Variants in DSCAM observed in about 807,000 individuals in gnomAD.
DSCAM encodes cell adhesion molecule DSCAM.
Under a neutral mutation model 217.7 loss-of-function variants are expected in DSCAM, and 47 were observed. The observed-to-expected ratio is 0.22, with a 90% confidence interval of 0.17 to 0.28. DSCAM has a LOEUF of 0.28. Among genes scored for constraint, DSCAM ranks in the 10% least tolerant of loss-of-function variants. DSCAM has a pLI of 1.00. For missense variants in DSCAM, 2,080 were observed against 2,618.3 expected (o/e 0.79, Z 4.49); for synonymous variants, 1,056 against 1,015.3 (o/e 1.04, Z -0.76).
At chr21:40,050,487 CTT>C (rs34197777) in intron 30 of DSCAM, among the ~76,000 whole-genome samples, 1 of 146,768 alleles carries the variant, frequency 6.8e-6, no homozygotes. Flanking sequence ...GCCCTTGAAT[CTT>C]TTTTTTTTTT....
intron 4 of DSCAM, among the ~76,000 whole-genome samples, chr21:40,353,968 C>G (rs2074663171): frequency 6.6e-6 from 1 of 152,176 alleles, no homozygotes. Context: ...TTCTGTTGGT[C>G]ATTCCTCAGT....
At chr21:40,301,555 A>G (rs2074014204) in intron 9 of DSCAM, among the ~76,000 whole-genome samples, 1 of 115,504 alleles carries the variant, frequency 8.7e-6, no homozygotes, top group Non-Finnish European at 1.6e-5. Flanking sequence ...GATGCTGTGG[A>G]TAAGATTAAG....
At chr21:40,449,248 T>C (rs945012692) in intron 3 of DSCAM, among the ~76,000 whole-genome samples, 1 of 152,188 alleles carries the variant, frequency 6.6e-6, no homozygotes, top group Non-Finnish European at 1.5e-5. Context: ...AGCTGCACCC[T>C]TACTTCCCTT....
intron 4 of DSCAM, among the ~76,000 whole-genome samples, chr21:40,365,994 A>C (rs2074828510): frequency 6.6e-6 from 1 of 151,798 alleles, no homozygotes; most frequent in African/African-American, 2.4e-5. Flanking sequence ...CTTTTGGTCT[A>C]TTTTCTATTT....
intron 3 of DSCAM, among the ~76,000 whole-genome samples, chr21:40,409,469 C>G (rs536276425): frequency 1.2e-4 from 18 of 152,262 alleles, no homozygotes; most frequent in Admixed American, 3.3e-4. Flanking sequence ...ACAGTTTCAA[C>G]GCTGAAGAGG....
At chr21:40,778,026 C>A (rs941231195) in intron 1 of DSCAM, among the ~76,000 whole-genome samples, 5 of 152,064 alleles carry the variant, frequency 3.3e-5, no homozygotes, top group Non-Finnish European at 5.9e-5. Flanking sequence ...ATAGTCAGTA[C>A]AGAATTGTGT....
At chr21:40,386,542 C>G (rs530285585) in intron 3 of DSCAM, among the ~76,000 whole-genome samples, 4 of 152,210 alleles carry the variant, frequency 2.6e-5, no homozygotes, top group Non-Finnish European at 5.9e-5. Flanking sequence ...GAGAGCTCCA[C>G]GGCACGCGTG....
intron 11 of DSCAM, among the ~76,000 whole-genome samples, chr21:40,209,618 GC>G (rs1457633394): frequency 6.6e-6 from 1 of 152,114 alleles, no homozygotes; most frequent in Non-Finnish European, 1.5e-5. Context: ...TTCCTTCCAA[GC>G]TTTCTCCCTG....
At chr21:40,190,867 T>C (rs951574266) in intron 11 of DSCAM, among the ~76,000 whole-genome samples, 2 of 152,196 alleles carry the variant, frequency 1.3e-5, no homozygotes, top group African/African-American at 4.8e-5. Context: ...AGTTGTCAGA[T>C]ACAGACTGCA....
chr21:40,320,790 C>G lies in DSCAM; in HGVS notation c.1784-8431G>C, dbSNP rs774441981. On this transcript the variant is annotated intron_variant, in intron 8 of 32. Coordinates refer to ENST00000400454, the MANE Select transcript of DSCAM (RefSeq NM_001389.5). ...CGAGAACAGTATGAGGAAACTGCCC[C>G]CATGATTCAATTATCTCCCACCAGA... Among the ~76,000 whole-genome samples, 87 of 152,106 alleles carry G rather than the reference C, an allele frequency of 5.7e-4. 1 individual carries two copies. Among genetic ancestry groups the G allele is most frequent in the Admixed American group, 3.8e-3 (58 of 15,268 alleles).
chr21:40,707,401 T>TG, intron 2 of DSCAM, among the ~76,000 whole-genome samples: 1 of 152,210 alleles, frequency 6.6e-6, no homozygotes, highest in African/African-American at 2.4e-5. Context: ...CATGCAGGTC[T>TG]TGGAATTCAT....
At chr21:40,703,961 C>G (rs1641502943) in intron 2 of DSCAM, among the ~76,000 whole-genome samples, 2 of 152,058 alleles carry the variant, frequency 1.3e-5, no homozygotes, top group Non-Finnish European at 2.9e-5. Flanking sequence ...TCCCTCTTGC[C>G]ACATCCTTTA....
intron 3 of DSCAM, among the ~76,000 whole-genome samples, chr21:40,485,136 C>A (rs1261385995): frequency 6.6e-6 from 1 of 152,102 alleles, no homozygotes; most frequent in Non-Finnish European, 1.5e-5. Context: ...TCACTGAGGT[C>A]CCTTGCTACT....
At chr21:40,715,338 G>A (rs541963021) in intron 1 of DSCAM, among the ~76,000 whole-genome samples, 5 of 152,244 alleles carry the variant, frequency 3.3e-5, no homozygotes, top group East Asian at 1.9e-4. Flanking sequence ...AACATCCATC[G>A]TTTTTCTCTT....
intron 3 of DSCAM, among the ~76,000 whole-genome samples, chr21:40,401,778 C>A (rs898561389): frequency 2.0e-5 from 3 of 149,896 alleles, no homozygotes; most frequent in African/African-American, 7.6e-5. Flanking sequence ...AGCACAAAGC[C>A]CAGCCCAAGC....
Position 40,464,218 on chromosome 21 carries a change from G to C in DSCAM, c.509-94973C>G, listed in dbSNP as rs566711247. Among the ~76,000 whole-genome samples, 5 of 152,312 alleles carry C rather than the reference G, an allele frequency of 3.3e-5. 1 individual carries two copies. Among genetic ancestry groups the C allele is most frequent in the Middle Eastern group, 6.8e-3 (2 of 294 alleles). On this transcript the variant is annotated intron_variant, in intron 3 of 32. Transcript: ENST00000400454. ...TGAATGCCTTGGAGGCTCCGGGACT[G>C]TTCTGGGAACATCAATAAAAGTAAA...
chr21:40,054,905 G>A (rs1022168257), intron 29 of DSCAM, among the ~76,000 whole-genome samples: 11 of 152,166 alleles, frequency 7.2e-5, no homozygotes, highest in African/African-American at 2.7e-4. Context: ...TTGGTTGAAA[G>A]GTTAAATTAA....
At chr21:40,843,976 G>GA (rs150600763) in intron 1 of DSCAM, among the ~76,000 whole-genome samples, 2,930 of 146,560 alleles carry the variant, frequency 0.02, 42 homozygotes, top group South Asian at 0.045. Flanking sequence ...TTTTACAAAT[G>GA]AAAAAAAAAA....
chr21:40,076,890 A>T (rs986657105), intron 26 of DSCAM, among the ~76,000 whole-genome samples: 3 of 152,254 alleles, frequency 2.0e-5, no homozygotes, highest in African/African-American at 7.2e-5. Flanking sequence ...GCTGGTTAAC[A>T]GAGGATTTTG....
Sources: allele counts gnomAD v4.1 joint callset (sites outside exome capture counted in the v4.1 genomes callset), GRCh38; gene constraint gnomAD v4.1.1; transcripts MANE v1.5; gene names NCBI Gene and HGNC (gene_info 2026-07-23, HGNC 2026-07-21).